Variants in GPM6A observed in about 807,000 individuals in gnomAD.
GPM6A encodes glycoprotein M6A.
Under a neutral mutation model 32.1 loss-of-function variants are expected in GPM6A, and 7 were observed. The observed-to-expected ratio is 0.22, with a 90% CI of 0.12 to 0.41. The LOEUF (loss-of-function observed/expected upper bound fraction) is 0.41. Among genes scored for constraint, GPM6A ranks in the 10% least tolerant of loss-of-function variants. The pLI, the probability that GPM6A is intolerant of heterozygous loss-of-function variation, is 1.00. For synonymous variants in GPM6A, 130 were observed against 123.4 expected (o/e 1.05, Z -0.35); for missense variants, 235 against 347.2 (o/e 0.68, Z 2.57).
At chr4:175,680,318 T>G (rs939684763) in intron 2 of GPM6A, among the ~76,000 whole-genome samples, 2 of 152,222 alleles carry the variant, frequency 1.3e-5, no homozygotes. Context: ...ATGAGAATAC[T>G]GACTCCCAAG....
intron 1 of GPM6A, chr4:175,787,229 G>A (rs1733838151): frequency 2.8e-6 from 2 of 708,066 alleles, no homozygotes; most frequent in Admixed American, 2.3e-5. Flanking sequence ...TCATCTTAAA[G>A]CTTTAATAAT....
intron 1 of GPM6A, among the ~76,000 whole-genome samples, chr4:175,711,647 C>G (rs1745551121): frequency 6.8e-6 from 1 of 147,052 alleles, no homozygotes; most frequent in Admixed American, 7.0e-5. Flanking sequence ...AAAGGGCTCC[C>G]CAGAGAATCC....
intron 1 of GPM6A, among the ~76,000 whole-genome samples, chr4:175,790,701 G>T (rs950788849): frequency 6.6e-6 from 1 of 152,114 alleles, no homozygotes; most frequent in South Asian, 2.1e-4. Context: ...AGGGAAAGTT[G>T]TATATCCTTT....
chr4:175,700,422 T>A (rs1744812845), intron 2 of GPM6A, among the ~76,000 whole-genome samples: 1 of 152,162 alleles, frequency 6.6e-6, no homozygotes, highest in Non-Finnish European at 1.5e-5. Flanking sequence ...GTTGACCAAG[T>A]GTTTTTTCAG....
intron 1 of GPM6A, among the ~76,000 whole-genome samples, chr4:175,864,725 G>A (rs1298237620): frequency 6.6e-6 from 1 of 152,058 alleles, no homozygotes; most frequent in African/African-American, 2.4e-5. Context: ...CCTAATTCAA[G>A]ATCACTGAGA....
intron 1 of GPM6A, among the ~76,000 whole-genome samples, chr4:175,782,159 T>C (rs1266418319): frequency 6.6e-6 from 1 of 152,108 alleles, no homozygotes; most frequent in African/African-American, 2.4e-5. Flanking sequence ...CTCTAAAAAG[T>C]TTAGGCTAAA....
At chr4:175,653,210 A>G (rs1741900489) in intron 3 of GPM6A, among the ~76,000 whole-genome samples, 1 of 152,134 alleles carries the variant, frequency 6.6e-6, no homozygotes, top group Admixed American at 6.6e-5. Context: ...TATTAAAGTT[A>G]TATTGCGATT....
At chr4:175,693,646 C>A (rs58109642) in intron 2 of GPM6A, among the ~76,000 whole-genome samples, 7,171 of 152,164 alleles carry the variant, frequency 0.047, 204 homozygotes, top group Non-Finnish European at 0.063. Context: ...TGAAATACTT[C>A]GGCTTAAGTC....
chr4:175,846,200 T>G (rs936757070), intron 1 of GPM6A, among the ~76,000 whole-genome samples: 1 of 152,178 alleles, frequency 6.6e-6, no homozygotes, highest in African/African-American at 2.4e-5. Flanking sequence ...ATAATGCTCA[T>G]TTTTTGTACA....
chr4:175,938,264 T>C (rs894005260), intron 1 of GPM6A, among the ~76,000 whole-genome samples: 1 of 152,178 alleles, frequency 6.6e-6, no homozygotes, highest in African/African-American at 2.4e-5. Context: ...AAATAACAAA[T>C]ACTCCATAAT....
intron 1 of GPM6A, among the ~76,000 whole-genome samples, chr4:175,784,343 G>T (rs1733717617): frequency 6.6e-6 from 1 of 152,104 alleles, no homozygotes; most frequent in South Asian, 2.1e-4. Context: ...CGCAACAATA[G>T]TTTCTTGGAT....
At chr4:175,726,646 G>A (rs1746423762) in intron 1 of GPM6A, among the ~76,000 whole-genome samples, 1 of 152,042 alleles carries the variant, frequency 6.6e-6, no homozygotes, top group South Asian at 2.1e-4. Context: ...AAATTCCAAA[G>A]CATTATTATA....
intron 1 of GPM6A, among the ~76,000 whole-genome samples, chr4:175,793,168 T>C (rs1734078693): frequency 6.6e-6 from 1 of 152,186 alleles, no homozygotes; most frequent in Admixed American, 6.5e-5. Context: ...GTATTTTTGA[T>C]AGAACTCCTC....
chr4:175,901,137 G>A (rs367916232), intron 1 of GPM6A, among the ~76,000 whole-genome samples: 9 of 151,334 alleles, frequency 5.9e-5, no homozygotes, highest in East Asian at 5.9e-4. Context: ...AGGATAGTGG[G>A]GGGCTGAGGG....
At position 175,633,562 on chromosome 4, in the gene GPM6A, G is replaced by A. The variant is rs1447947118; in HGVS notation, c.*1343C>T. On this transcript the variant is annotated 3_prime_UTR_variant, in exon 7 of 7. Transcript: ENST00000393658. ...ATACACTGAAAAAAATGTCTTGTCAGGCTACATCATTTTAGAAGACACTTT... is the reference window on the plus strand; with the variant it reads ...ATACACTGAAAAAAATGTCTTGTCAAGCTACATCATTTTAGAAGACACTTT... 6.6e-6 allele frequency: 1 copy of A among 152,326 alleles called. No homozygotes were observed. Among genetic ancestry groups the A allele is most frequent in the Non-Finnish European group, 1.5e-5 (1 of 67,902 alleles). The allele number at this position is 152,326 out of a possible 1,614,324, so 9.4% of individuals were successfully genotyped here.
chr4:175,833,959 G>T (rs994151899), intron 1 of GPM6A, among the ~76,000 whole-genome samples: 1 of 152,216 alleles, frequency 6.6e-6, no homozygotes, highest in East Asian at 1.9e-4. Flanking sequence ...AGTCCTTCCA[G>T]AGAAGTGCTG....
chr4:175,636,297 T>TATATATATATATAC (rs1491118582), intron 6 of GPM6A, among the ~76,000 whole-genome samples: 1 of 132,100 alleles, frequency 7.6e-6, no homozygotes, highest in Non-Finnish European at 1.6e-5. Context: ...TATATATATA[T>TATATATATATATAC]ACATATATAT....
chr4:175,877,437 AAG>A (rs1454843497), intron 1 of GPM6A, among the ~76,000 whole-genome samples: 1 of 152,192 alleles, frequency 6.6e-6, no homozygotes, highest in Non-Finnish European at 1.5e-5. Flanking sequence ...TTATAAATGA[AAG>A]AGGTTTAATT....
At chr4:175,975,224 A>G (rs1229409585) in intron 1 of GPM6A, among the ~76,000 whole-genome samples, 1 of 152,230 alleles carries the variant, frequency 6.6e-6, no homozygotes, top group Non-Finnish European at 1.5e-5. Flanking sequence ...GCCCCCTTGG[A>G]AAGACTAACT....
Sources: gnomAD v4.1 joint callset for allele counts (sites outside exome capture counted in the v4.1 genomes callset) on GRCh38, gnomAD v4.1.1 for gene constraint, MANE v1.5 for transcripts, NCBI Gene and HGNC (gene_info 2026-07-23, HGNC 2026-07-21) for gene names.